The following NOS1 variants were observed in gnomAD, a reference collection of about 807,000 sequenced individuals.
The protein encoded by NOS1 is NOS type I.
Under a neutral mutation model 164.5 loss-of-function variants are expected in NOS1, and 51 were observed. That is an observed-to-expected ratio of 0.31 (90% CI 0.25 to 0.39). The LOEUF (loss-of-function observed/expected upper bound fraction) is 0.39. Among genes scored for constraint, NOS1 ranks in the 10% least tolerant of loss-of-function variants. The pLI, the probability that NOS1 is intolerant of heterozygous loss-of-function variation, is 1.00. For missense variants in NOS1, 1,362 were observed against 1,885.6 expected, an observed-to-expected ratio of 0.72 and a Z score of 5.14; for synonymous variants, 719 against 745.8, an observed-to-expected ratio of 0.96 and a Z score of 0.59.
At chr12:117,247,168 A>C (rs1252696188) in intron 18 of NOS1, among the ~76,000 whole-genome samples, 180 bp downstream of exon 18, 1 of 152,072 alleles carries the variant, frequency 6.6e-6, no homozygotes, top group African/African-American at 2.4e-5. Context: ...CTGGGTAGAA[A>C]ATATGTGTTT....
intron 10 of NOS1, among the ~76,000 whole-genome samples, chr12:117,269,464 G>GTTTTTTTT (rs1164630635): frequency 3.4e-5 from 4 of 118,394 alleles, no homozygotes; most frequent in African/African-American, 7.3e-5. Context: ...CTGGAGATTT[G>GTTTTTTTT]TTTTTTTTTT....
chr12:117,330,228 T>C lies in NOS1; in HGVS notation c.725+117A>G, dbSNP rs989672618. The C allele has an allele frequency of 4.2e-6, 6 of 1,429,100 alleles. No homozygotes were observed. The highest frequency in any genetic ancestry group is 5.5e-6 in the Non-Finnish European group (6 of 1,091,840). 88.5% of individuals were successfully genotyped at this position (1,429,100 alleles called of 1,614,324 possible). ...AAGTGGTTATGCAAAAACAGGTATC[T>C]GAGACAGCCCAGGTTGGCTTCTGGG... On this transcript the variant is annotated intron_variant, in intron 2 of 28. Coordinates refer to ENST00000317775, the MANE Select transcript of NOS1 (RefSeq NM_000620.5). This position sits in a 1 kb window ranked among gnomAD's most constrained non-coding sequence, Gnocchi z 4.6.
chr12:117,310,009 T>G (rs1435296606), intron 3 of NOS1, among the ~76,000 whole-genome samples: 1 of 152,176 alleles, frequency 6.6e-6, no homozygotes, highest in East Asian at 1.9e-4. Flanking sequence ...CAGGCTCAGG[T>G]GATTCTCCCA....
chr12:117,354,990 G>A (rs190654627), intron 1 of NOS1, among the ~76,000 whole-genome samples: 1 of 152,282 alleles, frequency 6.6e-6, no homozygotes, highest in African/African-American at 2.4e-5. Flanking sequence ...ACTGGAAATG[G>A]GTTTCAGAAA....
intron 17 of NOS1, among the ~76,000 whole-genome samples, chr12:117,249,992 G>T (rs1294605054): frequency 6.6e-6 from 1 of 152,160 alleles, no homozygotes; most frequent in Non-Finnish European, 1.5e-5. Context: ...GATAAACCAT[G>T]GAGTGGGGCT....
chr12:117,304,276 C>T (rs966588285), intron 3 of NOS1, among the ~76,000 whole-genome samples: 2 of 152,094 alleles, frequency 1.3e-5, no homozygotes, highest in Non-Finnish European at 2.9e-5. Context: ...TAAAAAGCAA[C>T]ATATCAGCCA....
In NOS1 at chr12:117,290,045, T is replaced by C. The variant is rs9658329; in HGVS notation, c.981+253A>G. ...AGGGAGGTGATTTCCTTGAAATACA[T>C]GAAGTTAGAAAGGGAGCTGGAACTT... On this transcript the variant is annotated intron_variant, in intron 4 of 28. Coordinates refer to ENST00000317775, the MANE Select transcript of NOS1 (RefSeq NM_000620.5). 4.3e-3 allele frequency among the ~76,000 whole-genome samples: 654 copies of C among 152,292 alleles called. 4 individuals carry two copies. Among genetic ancestry groups the C allele is most frequent in the African/African-American group, 0.015 (618 of 41,564 alleles).
chr12:117,242,594 C>G (rs1056142347), intron 20 of NOS1, 33 bp downstream of exon 20: 1 of 1,570,910 alleles, frequency 6.4e-7, no homozygotes, highest in South Asian at 1.1e-5. Context: ...TGGGAGAAGA[C>G]GTAGGTAACC....
chr12:117,280,053 A>C (rs1873505606), intron 8 of NOS1, among the ~76,000 whole-genome samples: 1 of 152,106 alleles, frequency 6.6e-6, no homozygotes, highest in Admixed American at 6.6e-5. Flanking sequence ...CATTCTAGAC[A>C]CGGGATGTGC....
intron 22 of NOS1, among the ~76,000 whole-genome samples, chr12:117,228,744 T>G (rs764541683): frequency 2.0e-5 from 3 of 152,214 alleles, no homozygotes; most frequent in Admixed American, 6.5e-5. Context: ...TCCTAAAGAC[T>G]GTCCTGGCCT....
chr12:117,290,719 AC>A (rs1227779521), intron 3 of NOS1, among the ~76,000 whole-genome samples: 1 of 152,136 alleles, frequency 6.6e-6, no homozygotes, highest in East Asian at 1.9e-4. Context: ...GGTCGGACAC[AC>A]TGAGGAAGGA....
At position 117,335,729 on chromosome 12, in the gene NOS1, T is replaced by TGGGAGAGAGAGAGA. The variant is rs368456314; in HGVS notation, c.-420-4241_-420-4240insTCTCTCTCTCTCCC. Among the ~76,000 whole-genome samples the TGGGAGAGAGAGAGA allele has an allele frequency of 8.9e-4, 100 of 112,602 alleles. 1 individual carries two copies. Among genetic ancestry groups the TGGGAGAGAGAGAGA allele is most frequent in the Middle Eastern group, 4.3e-3 (1 of 234 alleles). The allele number at this position is 112,602 out of a possible 152,430, so 73.9% of individuals were successfully genotyped here. ...TTTTATTTAATTGTTACAGACTATA[T>TGGGAGAGAGAGAGA]GAGAGAGAGAGAGAGAGAGAGAGAG... On this transcript the variant is annotated intron_variant, in intron 1 of 28. Transcript: ENST00000317775.
chr12:117,307,454 T>C (rs3782207), intron 3 of NOS1, among the ~76,000 whole-genome samples: 53,432 of 151,996 alleles, frequency 0.35, 9,782 homozygotes, highest in Middle Eastern at 0.43. Context: ...TCAACTTCCC[T>C]GGCTCAAGCG....
At chr12:117,336,095 A>T (rs982374177) in intron 1 of NOS1, among the ~76,000 whole-genome samples, 2 of 152,196 alleles carry the variant, frequency 1.3e-5, no homozygotes, top group African/African-American at 4.8e-5. Context: ...CCTGGGTCTA[A>T]GTGAGTGGTC....
In NOS1 at chr12:117,281,498, C is replaced by T. The variant is rs190890447; in HGVS notation, c.1383-632G>A. On this transcript the variant is annotated intron_variant, in intron 7 of 28. Transcript: ENST00000317775. ...TCACACCACTGCACTCCAGCCTGGG[C>T]GACAGAGCGAGACTCCATCTCAAAA... Among the ~76,000 whole-genome samples, 74 of 99,810 alleles carry T rather than the reference C, an allele frequency of 7.4e-4. No individual in the cohort carries two copies. In the East Asian group the frequency reaches 0.015, roughly 20 times the overall value. The allele number at this position is 99,810 out of a possible 152,430, so 65.5% of individuals were successfully genotyped here. A position where few individuals can be genotyped will look rare whatever the true frequency, so the allele number is the denominator to read the frequency against.
intron 9 of NOS1, among the ~76,000 whole-genome samples, chr12:117,274,628 G>A (rs2136001231): frequency 6.6e-6 from 1 of 152,060 alleles, no homozygotes; most frequent in Non-Finnish European, 1.5e-5. Flanking sequence ...AACTTAGCTG[G>A]GCGTGGTGGT....
In NOS1 at chr12:117,234,470, T is replaced by C. The variant is rs9658484; in HGVS notation, c.3235+95A>G. On this transcript the variant is annotated intron_variant, in intron 21 of 28. Transcript: ENST00000317775. This position sits in a 1 kb window ranked among gnomAD's most constrained non-coding sequence, Gnocchi z 4.3. Reference sequence around the variant, plus strand: ...AGCAACAGACACCCACTCTCCTGCCTGGACTGGTGATTGGGAAGAAAAGGT... The same window carrying C: ...AGCAACAGACACCCACTCTCCTGCCCGGACTGGTGATTGGGAAGAAAAGGT... 1.4e-5 allele frequency: 19 copies of C among 1,313,480 alleles called. No individual in the cohort carries two copies. In the South Asian group the frequency reaches 2.5e-4, roughly 17 times the overall value. The allele number at this position is 1,313,480 out of a possible 1,614,324, so 81.4% of individuals were successfully genotyped here. A position where few individuals can be genotyped will look rare whatever the true frequency, so the allele number is the denominator to read the frequency against.
At chr12:117,355,858 C>A (rs1271686038) in intron 1 of NOS1, among the ~76,000 whole-genome samples, 1 of 152,190 alleles carries the variant, frequency 6.6e-6, no homozygotes, top group East Asian at 1.9e-4. Context: ...ATCCTGGGCT[C>A]AAGCTATCCT....
At position 117,243,489 on chromosome 12, in the gene NOS1, TCCA is replaced by T; in HGVS notation, c.2824-57_2824-55del. The stretch of plus-strand genomic sequence containing the variant: ...CTCTTTCAGCCAAGCGGATCTCCTC[TCCA>T]ACAGCTCCAAGTCATGGCATGTATC... On this transcript the variant is annotated intron_variant, in intron 18 of 28. Coordinates refer to ENST00000317775, the MANE Select transcript of NOS1 (RefSeq NM_000620.5). The surrounding 1 kb of genome is among the most constrained non-coding windows in gnomAD (Gnocchi z 4.3). 1 of 1,594,702 alleles carries T rather than the reference TCCA, an allele frequency of 6.3e-7. No individual in the cohort carries two copies. The highest frequency in any genetic ancestry group is 8.6e-7 in the Non-Finnish European group (1 of 1,168,432).
Sources: allele counts gnomAD v4.1 joint callset (sites outside exome capture counted in the v4.1 genomes callset), GRCh38; gene constraint gnomAD v4.1.1; non-coding constraint Gnocchi (gnomAD v3.1); transcripts MANE v1.5; gene names NCBI Gene and HGNC (gene_info 2026-07-23, HGNC 2026-07-21).